CTNNA2: variants seen among roughly 807,000 people sequenced by gnomAD.
CTNNA2 encodes the protein catenin alpha 2.
A neutral mutation model predicts 101.0 loss-of-function variants in CTNNA2; 42 were observed. The ratio of observed to expected loss-of-function variants is 0.42; its 90% confidence interval spans 0.32 to 0.54. CTNNA2 has a LOEUF of 0.54. CTNNA2 is among the 20% of genes least tolerant of loss of function. The pLI is 0.14. For synonymous variants in CTNNA2, 450 were observed against 456.4 expected, an observed-to-expected ratio of 0.99 and a Z score of 0.18; for missense variants, 871 against 1,223.1, an observed-to-expected ratio of 0.71 and a Z score of 4.29.
At chr2:79,580,313 G>T (rs1173673246) in intron 1 of CTNNA2, among the ~76,000 whole-genome samples, 1 of 152,110 alleles carries the variant, frequency 6.6e-6, no homozygotes, top group Non-Finnish European at 1.5e-5. Flanking sequence ...GATGTGAAAA[G>T]TACTTCACCC....
chr2:80,210,050 G>A (rs1038472122), intron 7 of CTNNA2, among the ~76,000 whole-genome samples: 1 of 151,882 alleles, frequency 6.6e-6, no homozygotes, highest in African/African-American at 2.4e-5. Context: ...CAATTTTTTC[G>A]ATAGGATCCT....
intron 4 of CTNNA2, among the ~76,000 whole-genome samples, chr2:79,440,639 C>T (rs1047932160): frequency 1.3e-5 from 2 of 152,146 alleles, no homozygotes; most frequent in African/African-American, 2.4e-5. Context: ...CCTAAGTGCC[C>T]TCACTGTCTG....
At chr2:80,511,222 T>C (rs1688678946) in intron 9 of CTNNA2, among the ~76,000 whole-genome samples, 1 of 152,198 alleles carries the variant, frequency 6.6e-6, no homozygotes, top group African/African-American at 2.4e-5. Flanking sequence ...TAAGGCAAAA[T>C]TGTAAAAAAT....
chr2:80,057,716 C>T (rs1461131728), intron 7 of CTNNA2, among the ~76,000 whole-genome samples: 4 of 152,146 alleles, frequency 2.6e-5, no homozygotes, highest in African/African-American at 9.7e-5. Flanking sequence ...TCCCCATGAG[C>T]AGGACAAAGG....
intron 4 of CTNNA2, among the ~76,000 whole-genome samples, chr2:79,487,290 G>T (rs1671167865): frequency 6.6e-6 from 1 of 152,126 alleles, no homozygotes; most frequent in South Asian, 2.1e-4. Context: ...AACATAAGTG[G>T]GTATGGGAGA....
At chr2:79,682,428 A>G (rs1391640201) in intron 2 of CTNNA2, among the ~76,000 whole-genome samples, 2 of 151,174 alleles carry the variant, frequency 1.3e-5, no homozygotes, top group Non-Finnish European at 3.0e-5. Flanking sequence ...AAAAAAAAAA[A>G]AAAAGAAGAA....
At chr2:79,683,850 A>C (rs1347375104) in intron 2 of CTNNA2, among the ~76,000 whole-genome samples, 2 of 152,212 alleles carry the variant, frequency 1.3e-5, no homozygotes, top group Non-Finnish European at 2.9e-5. Context: ...TCAAGATTTT[A>C]AAAGCACTTG....
chr2:79,602,577 T>A (rs1214272392), intron 1 of CTNNA2, among the ~76,000 whole-genome samples: 2 of 152,156 alleles, frequency 1.3e-5, no homozygotes, highest in Admixed American at 1.3e-4. Context: ...ACTGTTACCA[T>A]TATTAAATGA....
At chr2:80,581,680 G>A (rs765666546) in intron 13 of CTNNA2, 26 bp from the exon 14 acceptor site, 3 of 1,404,560 alleles carry the variant, frequency 2.1e-6, no homozygotes, top group Non-Finnish European at 3.0e-6. Context: ...ATTTAAGTAT[G>A]CTGACTTATA....
Position 80,461,653 on chromosome 2 carries a change from T to A in CTNNA2, c.1290+42052T>A, listed in dbSNP as rs1290631810. On this transcript the variant is annotated intron_variant, in intron 9 of 18. Transcript: ENST00000402739. ...TTATACTGTTATGTTCATGTACTGG[T>A]GCTTTTATCTTGCTAGGATCCGAAA... Among the ~76,000 whole-genome samples the A allele has an allele frequency of 2.6e-5, 4 of 152,140 alleles. No homozygotes were observed. In the East Asian group the frequency reaches 7.7e-4, roughly 29 times the overall value.
chr2:79,587,985 T>A (rs948832123), intron 1 of CTNNA2, among the ~76,000 whole-genome samples: 3 of 152,210 alleles, frequency 2.0e-5, no homozygotes, highest in Non-Finnish European at 4.4e-5. Context: ...TCATGATTGA[T>A]GGATGCCCTT....
intron 7 of CTNNA2, among the ~76,000 whole-genome samples, chr2:80,033,894 A>C (rs920720976): frequency 6.6e-6 from 1 of 151,992 alleles, no homozygotes; most frequent in Non-Finnish European, 1.5e-5. Flanking sequence ...GTCTGCAACA[A>C]AAACATAAAA....
intron 1 of CTNNA2, among the ~76,000 whole-genome samples, chr2:79,550,727 C>G (rs938507682): frequency 1.3e-5 from 2 of 152,148 alleles, no homozygotes; most frequent in Non-Finnish European, 2.9e-5. Flanking sequence ...CTAGCATTGT[C>G]TGAATCTCAG....
At chr2:80,567,900 C>A (rs1411279788) in intron 12 of CTNNA2, among the ~76,000 whole-genome samples, 1 of 151,930 alleles carries the variant, frequency 6.6e-6, no homozygotes, top group African/African-American at 2.4e-5. Context: ...TTTATGTTAA[C>A]AGTTACTAAA....
intron 7 of CTNNA2, among the ~76,000 whole-genome samples, chr2:80,319,788 G>A (rs1294565469): frequency 2.0e-5 from 3 of 152,284 alleles, no homozygotes; most frequent in East Asian, 1.9e-4. Flanking sequence ...AGTGGTGTCA[G>A]GAGGGTTAAA....
chr2:79,325,659 C>T (rs995971645), intron 3 of CTNNA2, among the ~76,000 whole-genome samples: 10 of 152,116 alleles, frequency 6.6e-5, no homozygotes, highest in East Asian at 1.9e-4. Context: ...ACTGTGGGGA[C>T]GGGGGATCAG....
At chr2:79,745,413 A>G (rs1671575191) in intron 3 of CTNNA2, among the ~76,000 whole-genome samples, 1 of 152,014 alleles carries the variant, frequency 6.6e-6, no homozygotes, top group Non-Finnish European at 1.5e-5. Context: ...CCTGGGTGAC[A>G]GAGTGAGACT....
At chr2:80,144,497 T>G (rs924210435) in intron 7 of CTNNA2, among the ~76,000 whole-genome samples, 2 of 152,192 alleles carry the variant, frequency 1.3e-5, no homozygotes, top group Non-Finnish European at 2.9e-5. Flanking sequence ...GCAGTATATT[T>G]CTGAAGCTGC....
intron 4 of CTNNA2, among the ~76,000 whole-genome samples, chr2:79,408,477 C>T (rs1322436801): frequency 3.5e-5 from 5 of 143,490 alleles, no homozygotes; most frequent in African/African-American, 1.3e-4. Flanking sequence ...ACAAGAGTCC[C>T]CAGAGTGTGA....
Sources: gnomAD v4.1 joint callset for allele counts (sites outside exome capture counted in the v4.1 genomes callset) on GRCh38, gnomAD v4.1.1 for gene constraint, MANE v1.5 for transcripts, NCBI Gene and HGNC (gene_info 2026-07-23, HGNC 2026-07-21) for gene names.